The following CLRN1 variants were observed in gnomAD, a reference collection of about 807,000 sequenced individuals.
The protein encoded by CLRN1 is clarin-1.
In CLRN1, 15 loss-of-function variants were observed where a neutral mutation model predicts 18.7. The observed-to-expected ratio is 0.80, with a 90% confidence interval of 0.54 to 1.23. The LOEUF (loss-of-function observed/expected upper bound fraction) is 1.23. Among genes scored for constraint, CLRN1 ranks in the 50% most tolerant of loss-of-function variants. CLRN1 has a pLI of 0.00. For synonymous variants in CLRN1, 104 were observed against 102.9 expected (o/e 1.01, Z -0.07); for missense variants, 311 against 277.5 (o/e 1.12, Z -0.86).
intron 1 of CLRN1, 123 bp downstream of exon 1, chr3:150,972,333 A>G: frequency 2.4e-6 from 3 of 1,248,992 alleles, no homozygotes; most frequent in Admixed American, 2.1e-5. Flanking sequence ...GGTTTTTCAT[A>G]TGGTTCACAC....
chr3:150,957,254 C>T (rs1714787026), intron 1 of CLRN1, among the ~76,000 whole-genome samples: 1 of 152,022 alleles, frequency 6.6e-6, no homozygotes, highest in East Asian at 1.9e-4. Flanking sequence ...CACACACACA[C>T]ACACACACAC....
intron 1 of CLRN1, among the ~76,000 whole-genome samples, chr3:150,958,826 G>C (rs374618088): frequency 2.0e-5 from 3 of 152,258 alleles, no homozygotes; most frequent in African/African-American, 7.2e-5. Context: ...AGTTAGATGT[G>C]GCTGTGTAAC....
intron 1 of CLRN1, among the ~76,000 whole-genome samples, chr3:150,948,953 T>G (rs1039546270): frequency 2.6e-5 from 4 of 151,968 alleles, no homozygotes; most frequent in Admixed American, 6.6e-5. Flanking sequence ...AATGCAAAAA[T>G]CCTCAACAAA....
chr3:150,947,442 C>G lies in CLRN1; in HGVS notation c.254-5681G>C, dbSNP rs1308134404. Reference sequence around the variant, plus strand: ...AGAGACCTATAAAGAGACATAGACTCCCACACAATAGTAGTAGGAGACTTC... The same window carrying G: ...AGAGACCTATAAAGAGACATAGACTGCCACACAATAGTAGTAGGAGACTTC... On this transcript the variant is annotated intron_variant, in intron 1 of 2. Transcript: ENST00000327047. Among the ~76,000 whole-genome samples the G allele has an allele frequency of 4.3e-4, 65 of 152,140 alleles. 3 individuals are homozygous for G. The highest frequency in any genetic ancestry group is 4.3e-3 in the Admixed American group (65 of 15,280).
At position 150,942,399 on chromosome 3, in the gene CLRN1, C is replaced by T. The variant is rs559254266; in HGVS notation, c.254-638G>A. On this transcript the variant is annotated intron_variant, in intron 1 of 2. Transcript: ENST00000327047. ...AAGTTTTTCTTGTTTGCAGAGAAAG[C>T]GAAACCCTACATTTTAGGGCTTCTT... Among the ~76,000 whole-genome samples, 52 of 152,270 alleles carry T rather than the reference C, an allele frequency of 3.4e-4. No homozygotes were observed. In the East Asian group the frequency reaches 3.9e-3, roughly 11 times the overall value.
Position 150,967,478 on chromosome 3 carries a change from C to G in CLRN1, c.253+4978G>C, listed in dbSNP as rs150290392. ...GAGACTAGACAACAGGACCCCTAAG[C>G]TAAAAGGCAGAAGAGCCCATGCTTG... On this transcript the variant is annotated intron_variant, in intron 1 of 2. Coordinates refer to ENST00000327047, the MANE Select transcript of CLRN1 (RefSeq NM_174878.3). 2.5e-3 allele frequency among the ~76,000 whole-genome samples: 375 copies of G among 152,146 alleles called. 2 individuals carry two copies. Among genetic ancestry groups the G allele is most frequent in the African/African-American group, 8.5e-3 (353 of 41,494 alleles).
chr3:150,938,270 TA>T (rs1461086134), intron 2 of CLRN1, among the ~76,000 whole-genome samples: 12 of 152,152 alleles, frequency 7.9e-5, no homozygotes, highest in Admixed American at 7.9e-4. Context: ...TGGGGTCTCT[TA>T]ATGGAATGTG....
At chr3:150,972,418 CT>C (rs1559995948) in intron 1 of CLRN1, 37 bp downstream of exon 1, 1 of 1,614,038 alleles carries the variant, frequency 6.2e-7, no homozygotes, top group African/African-American at 1.3e-5. Context: ...AAGAGTCTGC[CT>C]AAAGCATTAA....
At chr3:150,943,900 C>G in intron 1 of CLRN1, 1 of 1,613,664 alleles carries the variant, frequency 6.2e-7, no homozygotes, top group Non-Finnish European at 8.5e-7. Context: ...CTCGTTCACT[C>G]GTGTGCTCCC....
intron 1 of CLRN1, among the ~76,000 whole-genome samples, chr3:150,942,794 C>T (rs1713934505): frequency 6.6e-6 from 1 of 152,174 alleles, no homozygotes; most frequent in Admixed American, 6.5e-5. Context: ...TGCCTTTGAA[C>T]TTGGATTGGC....
intron 1 of CLRN1, chr3:150,942,463 T>G (rs1713913038): frequency 4.2e-6 from 1 of 239,274 alleles, no homozygotes; most frequent in Non-Finnish European, 8.6e-6. Context: ...CATCAGCAAA[T>G]CTGGCAGGAC....
At chr3:150,956,505 G>A (rs1451547737) in intron 1 of CLRN1, among the ~76,000 whole-genome samples, 1 of 152,172 alleles carries the variant, frequency 6.6e-6, no homozygotes, top group African/African-American at 2.4e-5. Context: ...AGCCACAGGA[G>A]AGAGAAAGCG....
chr3:150,961,158 A>G (rs540546012), intron 1 of CLRN1, among the ~76,000 whole-genome samples: 15 of 152,290 alleles, frequency 9.8e-5, no homozygotes, highest in African/African-American at 3.4e-4. Context: ...AAGAAATGCT[A>G]AATACTGCTC....
At chr3:150,963,322 A>G (rs912064704) in intron 1 of CLRN1, among the ~76,000 whole-genome samples, 1 of 152,240 alleles carries the variant, frequency 6.6e-6, no homozygotes, top group Non-Finnish European at 1.5e-5. Flanking sequence ...CAATTGCTAC[A>G]AAGAGAACAA....
chr3:150,936,656 C>CAG (rs1405883693), intron 2 of CLRN1, among the ~76,000 whole-genome samples: 1 of 152,190 alleles, frequency 6.6e-6, no homozygotes, highest in African/African-American at 2.4e-5. Flanking sequence ...AATCAGCTAT[C>CAG]AGATATCTTT....
chr3:150,928,074 G>T lies in CLRN1; in HGVS notation c.561C>A (p.Thr187=), dbSNP rs773400391. ...VYKTQSEKYT[T]SFWVIFFCFF... The stretch of plus-strand genomic sequence containing the variant: ...AGCAAAAGAAAATGACCCAGAATGA[G>T]GTGGTATATTTTTCACTTTGCGTTT... Residue 187 remains threonine, a synonymous_variant, in exon 3 of 3, where the codon ACC becomes ACA. Transcript: ENST00000327047. 5.6e-6 allele frequency: 9 copies of T among 1,613,926 alleles called. No homozygotes were observed. The highest frequency in any genetic ancestry group is 7.6e-6 in the Non-Finnish European group (9 of 1,179,974).
chr3:150,951,347 A>G (rs1714471856), intron 1 of CLRN1, among the ~76,000 whole-genome samples: 1 of 151,496 alleles, frequency 6.6e-6, no homozygotes, highest in African/African-American at 2.4e-5. Context: ...TAATATATAT[A>G]TATTTTTTGA....
intron 1 of CLRN1, among the ~76,000 whole-genome samples, chr3:150,954,979 A>G (rs1341292076): frequency 3.3e-5 from 5 of 152,242 alleles, no homozygotes; most frequent in Admixed American, 3.3e-4. Flanking sequence ...CATATTTGCC[A>G]AAAACTGGAA....
intron 2 of CLRN1, among the ~76,000 whole-genome samples, chr3:150,935,907 AT>A (rs1234491612): frequency 6.8e-6 from 1 of 148,104 alleles, no homozygotes; most frequent in Non-Finnish European, 1.5e-5. Flanking sequence ...GATGGTGAGC[AT>A]TTTTTCATGT....
Sources: gnomAD v4.1 joint callset for allele counts (sites outside exome capture counted in the v4.1 genomes callset) on GRCh38, gnomAD v4.1.1 for gene constraint, MANE v1.5 for transcripts, NCBI Gene and HGNC (gene_info 2026-07-23, HGNC 2026-07-21) for gene names.